PSEN1: variants seen among roughly 807,000 people sequenced by gnomAD.
The protein encoded by PSEN1 is presenilin-1.
In PSEN1, 15 loss-of-function variants were observed where a neutral mutation model predicts 53.5. The observed-to-expected ratio is 0.28, with a 90% CI of 0.19 to 0.43. PSEN1 has a LOEUF of 0.43. Among genes scored for constraint, PSEN1 ranks in the 20% least tolerant of loss-of-function variants. PSEN1 has a pLI of 1.00. For missense variants in PSEN1, 387 were observed against 571.2 expected (o/e 0.68, Z 3.29); for synonymous variants, 208 against 209.8 (o/e 0.99, Z 0.08).
At chr14:73,183,947 C>G (rs1898326805) in intron 5 of PSEN1, among the ~76,000 whole-genome samples, 1 of 144,288 alleles carries the variant, frequency 6.9e-6, no homozygotes, top group African/African-American at 2.6e-5. Context: ...CACCTCCCTC[C>G]CGGACGGGGC....
chr14:73,184,773 G>T (rs1323459014), intron 5 of PSEN1, among the ~76,000 whole-genome samples: 2 of 152,030 alleles, frequency 1.3e-5, no homozygotes, highest in Admixed American at 6.5e-5. Context: ...CCCGGACGGG[G>T]TGGCTGCCGG....
At chr14:73,179,943 A>G (rs991999405) in intron 5 of PSEN1, among the ~76,000 whole-genome samples, 10 of 151,690 alleles carry the variant, frequency 6.6e-5, no homozygotes, top group Non-Finnish European at 1.3e-4. Flanking sequence ...TTCTTAATAT[A>G]TTTTTTGTCG....
chr14:73,179,820 A>G (rs1306453054), intron 5 of PSEN1, among the ~76,000 whole-genome samples: 1 of 151,952 alleles, frequency 6.6e-6, no homozygotes, highest in Non-Finnish European at 1.5e-5. Flanking sequence ...CCTACCTCTC[A>G]TTACTTTTCA....
At chr14:73,154,718 T>C (rs544365839) in intron 3 of PSEN1, among the ~76,000 whole-genome samples, 1 of 152,156 alleles carries the variant, frequency 6.6e-6, no homozygotes, top group Non-Finnish European at 1.5e-5. Flanking sequence ...CTTATGAAAT[T>C]AAAAGGAACA....
chr14:73,156,863 T>C (rs555616411), intron 3 of PSEN1, among the ~76,000 whole-genome samples: 1 of 152,024 alleles, frequency 6.6e-6, no homozygotes, highest in South Asian at 2.1e-4. Flanking sequence ...GGGGTTTCAC[T>C]GTGTTAGCCA....
intron 4 of PSEN1, among the ~76,000 whole-genome samples, chr14:73,172,275 T>A (rs964823460): frequency 2.6e-5 from 4 of 152,180 alleles, no homozygotes; most frequent in Non-Finnish European, 1.5e-5. Flanking sequence ...AGTTTTAGAA[T>A]TTGAAGTTGT....
rs553189487 is a variant in PSEN1 at position 73,149,849 on chromosome 14, C to T, written c.87+1743C>T. Among the ~76,000 whole-genome samples the T allele has an allele frequency of 1.2e-4, 18 of 152,322 alleles. No individual in the cohort carries two copies. The South Asian group carries it at 3.7e-3, about 32-fold the overall frequency. On this transcript the variant is annotated intron_variant, in intron 3 of 11. Transcript: ENST00000324501. Reference sequence around the variant, plus strand: ...TTGTTATAGTTCAAATAGAAGATAACATCTAAAGCATTTCTCATTCCAAAG... The same window carrying T: ...TTGTTATAGTTCAAATAGAAGATAATATCTAAAGCATTTCTCATTCCAAAG...
intron 5 of PSEN1, among the ~76,000 whole-genome samples, chr14:73,175,254 G>C (rs952083260): frequency 4.6e-5 from 7 of 152,240 alleles, no homozygotes; most frequent in African/African-American, 1.7e-4. Context: ...AGCCCCCCGA[G>C]TAGCTGGGAT....
intron 8 of PSEN1, among the ~76,000 whole-genome samples, chr14:73,201,385 C>T (rs1899184220): frequency 6.6e-6 from 1 of 152,100 alleles, no homozygotes; most frequent in Non-Finnish European, 1.5e-5. Context: ...CGCGCCTGGC[C>T]GAGAATATCA....
chr14:73,185,182 C>G lies in PSEN1; in HGVS notation c.481-1671C>G, dbSNP rs947349838. ...GATGATGGGCGGCCAGGCAGAGACG[C>G]TCCTCACTTCCCAGACGGGGTGGCG... On this transcript the variant is annotated intron_variant, in intron 5 of 11. Coordinates refer to ENST00000324501, the MANE Select transcript of PSEN1 (RefSeq NM_000021.4). Among the ~76,000 whole-genome samples the G allele has an allele frequency of 2.6e-5, 4 of 152,222 alleles. No homozygotes were observed. The East Asian group carries it at 5.8e-4, about 22-fold the overall frequency.
At chr14:73,212,798 C>T (rs527281456) in intron 10 of PSEN1, among the ~76,000 whole-genome samples, 20 of 152,302 alleles carry the variant, frequency 1.3e-4, no homozygotes, top group Non-Finnish European at 2.6e-4. Context: ...GTCATCTCTT[C>T]AGTTAGTCTT....
Position 73,170,941 on chromosome 14 carries a change from G to C in PSEN1, c.232G>C (p.Gly78Arg). Residue 78 changes from glycine to arginine, a missense_variant, in exon 4 of 12, where the codon GGC (glycine) becomes CGC (arginine). Physicochemically the swap from Gly to Arg is moderately radical, Grantham distance 125. Coordinates refer to ENST00000324501, the MANE Select transcript of PSEN1 (RefSeq NM_000021.4). Reference protein sequence around the residue: ...EEDEELTLKYGAKHVIMLFVP... With the variant: ...EEDEELTLKYRAKHVIMLFVP... ...AGATGAGGAGCTGACATTGAAATAT[G>C]GCGCCAAGCATGTGATCATGCTCTT... 6.2e-7 allele frequency: 1 copy of C among 1,614,214 alleles called. No individual in the cohort carries two copies. Among genetic ancestry groups the C allele is most frequent in the Non-Finnish European group, 8.5e-7 (1 of 1,180,048 alleles).
chr14:73,163,670 C>A (rs1897624030), intron 3 of PSEN1, among the ~76,000 whole-genome samples: 1 of 152,122 alleles, frequency 6.6e-6, no homozygotes, highest in Non-Finnish European at 1.5e-5. Flanking sequence ...TCAGGAAATT[C>A]TCTCTCTACC....
In PSEN1 at chr14:73,193,551, AAAAAAAAAAAAAAGC is replaced by A. The variant is rs958645338; in HGVS notation, c.769+700_769+714del. On this transcript the variant is annotated intron_variant, in intron 7 of 11. Coordinates refer to ENST00000324501, the MANE Select transcript of PSEN1 (RefSeq NM_000021.4). ...GGTGACAGAGCGAGACTCTGTCTCA[AAAAAAAAAAAAAAGC>A]AAAAAAAAAAAAGCACAAGCAGAGT... Among the ~76,000 whole-genome samples the A allele has an allele frequency of 3.1e-3, 83 of 26,616 alleles. 1 individual carries two copies. Among genetic ancestry groups the A allele is most frequent in the Non-Finnish European group, 5.4e-3 (76 of 14,062 alleles). The allele number at this position is 26,616 out of a possible 152,430, so 17.5% of individuals were successfully genotyped here. A position where few individuals can be genotyped will look rare whatever the true frequency, so the allele number is the denominator to read the frequency against.
In PSEN1 at chr14:73,192,839, C is replaced by T. The variant is rs780232050; in HGVS notation, c.744C>T (p.Leu248=). The T allele has an allele frequency of 6.2e-7, 1 of 1,613,186 alleles. No individual in the cohort carries two copies. The highest frequency in any genetic ancestry group is 8.5e-7 in the Non-Finnish European group (1 of 1,179,194). The change falls in exon 7 of 12, where the codon CTC becomes CTT. Residue 248 remains leucine (L), a synonymous_variant. Coordinates refer to ENST00000324501, the MANE Select transcript of PSEN1 (RefSeq NM_000021.4). ...ACCTCCCTGAATGGACTGCGTGGCTCATCTTGGCTGTGATTTCAGTATATG... is the reference window on the plus strand; with the variant it reads ...ACCTCCCTGAATGGACTGCGTGGCTTATCTTGGCTGTGATTTCAGTATATG... The part of the protein sequence containing the change: ...IKYLPEWTAW[L]ILAVISVYDL...
At chr14:73,184,120 C>T (rs1235964349) in intron 5 of PSEN1, among the ~76,000 whole-genome samples, 1 of 123,550 alleles carries the variant, frequency 8.1e-6, no homozygotes, top group Non-Finnish European at 1.7e-5. Flanking sequence ...CCCCCCACCT[C>T]CCTCCCGGAC....
chr14:73,182,913 G>C (rs1898266948), intron 5 of PSEN1, among the ~76,000 whole-genome samples: 1 of 152,074 alleles, frequency 6.6e-6, no homozygotes, highest in Non-Finnish European at 1.5e-5. Context: ...AAAAACCGAG[G>C]TGAAAAGCAT....
At chr14:73,139,872 G>T (rs560556392) in intron 1 of PSEN1, among the ~76,000 whole-genome samples, 1 of 152,312 alleles carries the variant, frequency 6.6e-6, no homozygotes, top group African/African-American at 2.4e-5. Context: ...AAAGGTATTA[G>T]TATTGGCTTT....
chr14:73,201,550 A>T (rs908520541), intron 8 of PSEN1, among the ~76,000 whole-genome samples: 1 of 152,178 alleles, frequency 6.6e-6, no homozygotes, highest in African/African-American at 2.4e-5. Context: ...GTGTGCATGC[A>T]TGTCTCTGTG....
Sources: allele counts gnomAD v4.1 joint callset (sites outside exome capture counted in the v4.1 genomes callset), GRCh38; gene constraint gnomAD v4.1.1; transcripts MANE v1.5; gene names NCBI Gene and HGNC (gene_info 2026-07-23, HGNC 2026-07-21).